SLC12A2: variants seen among roughly 807,000 people sequenced by gnomAD.
The protein encoded by SLC12A2 is solute carrier family 12 member 2.
A neutral mutation model predicts 136.3 loss-of-function variants in SLC12A2; 67 were observed. The observed-to-expected ratio is 0.49, with a 90% CI of 0.40 to 0.60. The LOEUF (loss-of-function observed/expected upper bound fraction) is 0.60. Among genes scored for constraint, SLC12A2 ranks in the 20% least tolerant of loss-of-function variants. The pLI is 0.00. For missense variants in SLC12A2, 1,322 were observed against 1,534.7 expected, an observed-to-expected ratio of 0.86 and a Z score of 2.32; for synonymous variants, 619 against 562.9, an observed-to-expected ratio of 1.10 and a Z score of -1.41.
intron 1 of SLC12A2, among the ~76,000 whole-genome samples, chr5:128,095,906 C>G (rs1223741275): frequency 6.6e-6 from 1 of 152,102 alleles, no homozygotes; most frequent in Non-Finnish European, 1.5e-5. Flanking sequence ...AGAGTACAGT[C>G]ATTTGTTTTC....
intron 4 of SLC12A2, among the ~76,000 whole-genome samples, chr5:128,129,234 G>C (rs1482702048): frequency 6.6e-6 from 1 of 151,864 alleles, no homozygotes; most frequent in Non-Finnish European, 1.5e-5. Context: ...TTTTGCTATT[G>C]GGAGTAGATG....
At chr5:128,099,628 T>A (rs543106810) in intron 1 of SLC12A2, among the ~76,000 whole-genome samples, 4 of 152,348 alleles carry the variant, frequency 2.6e-5, no homozygotes, top group Non-Finnish European at 5.9e-5. Flanking sequence ...ATTGTACAAG[T>A]GTACAAGAGT....
In SLC12A2 at chr5:128,112,686, C is replaced by G. The variant is rs536835826; in HGVS notation, c.757-128C>G. ...TTCCTGGGGTAAAATATTTGGAAAC[C>G]CTTGATTCTTGGAAATCTGTACTAT... On this transcript the variant is annotated intron_variant, in intron 1 of 26. Coordinates refer to ENST00000262461, the MANE Select transcript of SLC12A2 (RefSeq NM_001046.3). The G allele has an allele frequency of 1.2e-5, 7 of 581,504 alleles. No individual in the cohort carries two copies. The Admixed American group carries it at 1.9e-4, about 15-fold the overall frequency. The allele number at this position is 581,504 out of a possible 1,614,324, so 36.0% of individuals were successfully genotyped here.
chr5:128,147,808 C>G (rs1451738887), intron 11 of SLC12A2, 79 bp downstream of exon 11: 15 of 855,882 alleles, frequency 1.8e-5, no homozygotes, highest in Non-Finnish European at 2.7e-5. Context: ...TTGCTATTTT[C>G]AAATTATTTG....
chr5:128,167,700 T>G, intron 17 of SLC12A2, 61 bp from the exon 18 acceptor site: 2 of 1,228,298 alleles, frequency 1.6e-6, no homozygotes, highest in Non-Finnish European at 2.3e-6. Context: ...GTTTTATCAC[T>G]TCAGAAAACA....
chr5:128,084,758 G>A lies in SLC12A2; in HGVS notation c.756+48G>A. On this transcript the variant is annotated intron_variant, in intron 1 of 26. Transcript: ENST00000262461. The surrounding 1 kb of genome is among the most constrained non-coding windows in gnomAD (Gnocchi z 5.6). ...TCTTCCCCAGCCCCTGGTGCATGCC[G>A]ACCGCGGGATGTGGCTGCAGACTCT... The A allele has an allele frequency of 6.7e-7, 1 of 1,492,778 alleles. No individual in the cohort carries two copies. Among genetic ancestry groups the A allele is most frequent in the Non-Finnish European group, 9.0e-7 (1 of 1,117,298 alleles). The allele number at this position is 1,492,778 out of a possible 1,614,324, so 92.5% of individuals were successfully genotyped here.
intron 6 of SLC12A2, 87 bp from the exon 7 acceptor site, chr5:128,135,613 C>G (rs542019784): frequency 5.7e-6 from 5 of 873,760 alleles, no homozygotes; most frequent in Middle Eastern, 2.3e-4. Context: ...GAAATTCTTT[C>G]CCTCATGGAA....
intron 4 of SLC12A2, among the ~76,000 whole-genome samples, chr5:128,117,043 G>C (rs1761376203): frequency 6.6e-6 from 1 of 152,122 alleles, no homozygotes; most frequent in African/African-American, 2.4e-5. Context: ...ATATTTTTTA[G>C]TTTTTTCCAT....
At chr5:128,129,385 T>A (rs1341191501) in intron 4 of SLC12A2, among the ~76,000 whole-genome samples, 2 of 152,090 alleles carry the variant, frequency 1.3e-5, no homozygotes, top group African/African-American at 2.4e-5. Context: ...ATAAATTAAT[T>A]GGAGTTTTTA....
intron 1 of SLC12A2, among the ~76,000 whole-genome samples, chr5:128,085,342 T>C (rs1008774062): frequency 1.3e-5 from 2 of 151,152 alleles, no homozygotes; most frequent in African/African-American, 4.9e-5. Flanking sequence ...GAGAGGTGTA[T>C]ATTTAAAAAA....
intron 1 of SLC12A2, chr5:128,110,285 G>T: frequency 1.2e-6 from 1 of 814,372 alleles, no homozygotes. Flanking sequence ...CAAGGATATC[G>T]TGATGCCTAC....
At chr5:128,094,003 A>T (rs1405302546) in intron 1 of SLC12A2, among the ~76,000 whole-genome samples, 1 of 151,858 alleles carries the variant, frequency 6.6e-6, no homozygotes, top group Non-Finnish European at 1.5e-5. Context: ...CCCTTCCACC[A>T]TTCCATACAC....
chr5:128,146,857 C>G (rs143877982), intron 10 of SLC12A2, among the ~76,000 whole-genome samples: 1,652 of 151,646 alleles, frequency 0.011, 29 homozygotes, highest in African/African-American at 0.038. Flanking sequence ...AGTATTCTTG[C>G]CAAAACTTGT....
rs543034168 is a variant in SLC12A2 at position 128,106,769 on chromosome 5, G to A, written c.757-6045G>A. Reference sequence around the variant, plus strand: ...TTATTGCTAGTTCTTCTATTTTGAGGTGGAATTCTGATAAACACCCACAGC... The same window carrying A: ...TTATTGCTAGTTCTTCTATTTTGAGATGGAATTCTGATAAACACCCACAGC... On this transcript the variant is annotated intron_variant, in intron 1 of 26. Transcript: ENST00000262461. 2.1e-3 allele frequency among the ~76,000 whole-genome samples: 327 copies of A among 152,176 alleles called. 3 individuals carry two copies. The highest frequency in any genetic ancestry group is 7.5e-3 in the African/African-American group (310 of 41,526).
intron 14 of SLC12A2, 127 bp downstream of exon 14, chr5:128,151,523 A>C (rs1762701199): frequency 1.2e-6 from 1 of 848,808 alleles, no homozygotes; most frequent in African/African-American, 1.8e-5. Flanking sequence ...ACTTTGTATA[A>C]AACCTAAAAT....
intron 1 of SLC12A2, among the ~76,000 whole-genome samples, chr5:128,089,475 G>C (rs1376817251): frequency 6.6e-6 from 1 of 152,208 alleles, no homozygotes; most frequent in Non-Finnish European, 1.5e-5. Context: ...CATAGTAGCA[G>C]CAGGTTCTTC....
At chr5:128,147,848 A>G in intron 11 of SLC12A2, 119 bp downstream of exon 11, 1 of 553,684 alleles carries the variant, frequency 1.8e-6, no homozygotes, top group Non-Finnish European at 3.2e-6. Flanking sequence ...CATATATATG[A>G]TATATATATG....
At chr5:128,149,004 A>G (rs1762615501) in intron 12 of SLC12A2, 127 bp downstream of exon 12, 2 of 812,806 alleles carry the variant, frequency 2.5e-6, no homozygotes, top group Non-Finnish European at 1.9e-6. Context: ...GAAAGTTTAT[A>G]AAGTACTGTA....
At position 128,129,381 on chromosome 5, in the gene SLC12A2, T is replaced by G. The variant is rs943528994; in HGVS notation, c.1049-1686T>G. Among the ~76,000 whole-genome samples, 23 of 152,048 alleles carry G rather than the reference T, an allele frequency of 1.5e-4. 1 individual carries two copies. The highest frequency in any genetic ancestry group is 6.2e-4 in the South Asian group (3 of 4,828). ...TTGACAAAATTGTCATTATATAAAT[T>G]AATTGGAGTTTTTAGTGTTCAAGAA... is the stretch of plus-strand genomic sequence containing the variant. On this transcript the variant is annotated intron_variant, in intron 4 of 26. Transcript: ENST00000262461.
Sources: allele counts gnomAD v4.1 joint callset (sites outside exome capture counted in the v4.1 genomes callset), GRCh38; gene constraint gnomAD v4.1.1; non-coding constraint Gnocchi (gnomAD v3.1); transcripts MANE v1.5; gene names NCBI Gene and HGNC (gene_info 2026-07-23, HGNC 2026-07-21).